The following AGBL4 variants were observed in gnomAD, a reference collection of about 807,000 sequenced individuals.
AGBL4 encodes cytosolic carboxypeptidase 6.
Under a neutral mutation model 66.4 loss-of-function variants are expected in AGBL4, and 58 were observed. That is an observed-to-expected ratio of 0.87 (90% CI 0.71 to 1.09). The LOEUF is 1.09. Ranked by LOEUF, AGBL4 falls within the 50% of genes least tolerant of loss-of-function variation. The probability of loss-of-function intolerance (pLI) is 0.00; values close to 1 mark genes in which losing one functional copy is unlikely to be tolerated. For synonymous variants in AGBL4, 234 were observed against 222.9 expected (o/e 1.05, Z -0.44); for missense variants, 579 against 631.0 (o/e 0.92, Z 0.88).
Position 48,586,945 on chromosome 1 carries a change from A to T in AGBL4, c.1267+59T>A, listed in dbSNP as rs377438654. On this transcript the variant is annotated intron_variant, in intron 11 of 13. Transcript: ENST00000371839. ...GGGGGCCTAATTCCTGACCTGTCAG[A>T]CTTGGATACTCTCGGCTGGATGAGG... 1.6e-5 allele frequency: 25 copies of T among 1,601,920 alleles called. No homozygotes were observed. The South Asian group carries it at 2.3e-4, about 15-fold the overall frequency.
chr1:49,863,008 T>C (rs546505256), intron 1 of AGBL4, among the ~76,000 whole-genome samples: 1 of 152,222 alleles, frequency 6.6e-6, no homozygotes, highest in East Asian at 1.9e-4. Flanking sequence ...CAGACTATTT[T>C]AACATTATAA....
At chr1:48,878,826 T>C (rs1222689202) in intron 5 of AGBL4, among the ~76,000 whole-genome samples, 2 of 152,170 alleles carry the variant, frequency 1.3e-5, no homozygotes, top group East Asian at 3.9e-4. Flanking sequence ...AACATTAATC[T>C]GTATTCCTGC....
intron 6 of AGBL4, among the ~76,000 whole-genome samples, chr1:48,858,058 G>T (rs554964467): frequency 2.0e-5 from 3 of 152,034 alleles, no homozygotes; most frequent in Non-Finnish European, 4.4e-5. Flanking sequence ...AATACAAAGG[G>T]CCCATAAGCA....
intron 11 of AGBL4, among the ~76,000 whole-genome samples, chr1:48,581,215 G>A (rs1644735459): frequency 6.6e-6 from 1 of 152,174 alleles, no homozygotes; most frequent in Non-Finnish European, 1.5e-5. Context: ...ATAAACGATA[G>A]CTTCAATGTG....
At chr1:49,795,650 T>C (rs1229266019) in intron 2 of AGBL4, among the ~76,000 whole-genome samples, 2 of 151,926 alleles carry the variant, frequency 1.3e-5, no homozygotes, top group Non-Finnish European at 2.9e-5. Flanking sequence ...TATGTGTGTG[T>C]GTGCATCCAT....
At chr1:48,620,317 C>G (rs1212179013) in intron 9 of AGBL4, among the ~76,000 whole-genome samples, 1 of 152,164 alleles carries the variant, frequency 6.6e-6, no homozygotes, top group Non-Finnish European at 1.5e-5. Flanking sequence ...GTCTCCCAGG[C>G]TGAAGTTCAG....
intron 2 of AGBL4, among the ~76,000 whole-genome samples, chr1:49,766,133 A>T (rs1249631941): frequency 6.6e-6 from 1 of 152,198 alleles, no homozygotes; most frequent in Non-Finnish European, 1.5e-5. Flanking sequence ...GAATATTTTC[A>T]CCAGACTGAC....
At chr1:49,325,728 A>T (rs956516613) in intron 3 of AGBL4, among the ~76,000 whole-genome samples, 2 of 152,190 alleles carry the variant, frequency 1.3e-5, no homozygotes, top group Non-Finnish European at 1.5e-5. Flanking sequence ...TGTAATCCCC[A>T]ATGTTGCAGA....
At chr1:48,557,259 G>A (rs555794707) in intron 11 of AGBL4, among the ~76,000 whole-genome samples, 1 of 152,292 alleles carries the variant, frequency 6.6e-6, no homozygotes, top group South Asian at 2.1e-4. Context: ...ATTTACATTA[G>A]CTTCCATTCC....
chr1:49,334,653 T>C (rs182849546), intron 3 of AGBL4, among the ~76,000 whole-genome samples: 1 of 152,312 alleles, frequency 6.6e-6, no homozygotes, highest in East Asian at 1.9e-4. Context: ...CTGAAGCCCA[T>C]GGTCTTCAAT....
chr1:48,921,348 T>C (rs141200892), intron 5 of AGBL4, among the ~76,000 whole-genome samples: 77 of 152,368 alleles, frequency 5.1e-4, no homozygotes, highest in Non-Finnish European at 9.1e-4. Context: ...TGCAAATTCC[T>C]ACCGTGACAG....
At chr1:48,917,144 C>G (rs1472172575) in intron 5 of AGBL4, among the ~76,000 whole-genome samples, 1 of 151,820 alleles carries the variant, frequency 6.6e-6, no homozygotes, top group Non-Finnish European at 1.5e-5. Context: ...CCAATATTAC[C>G]CAGTATAATC....
At chr1:49,876,151 C>T (rs1460015545) in intron 1 of AGBL4, among the ~76,000 whole-genome samples, 1 of 148,246 alleles carries the variant, frequency 6.7e-6, no homozygotes, top group Non-Finnish European at 1.5e-5. Flanking sequence ...TGCAGAAGCT[C>T]TTTAGTTTAA....
intron 6 of AGBL4, among the ~76,000 whole-genome samples, chr1:48,841,946 C>G (rs905865186): frequency 6.6e-6 from 1 of 152,164 alleles, no homozygotes; most frequent in Non-Finnish European, 1.5e-5. Flanking sequence ...GCAAATCTTA[C>G]GTTCTAAATG....
chr1:48,623,336 T>C lies in AGBL4; in HGVS notation c.951+11157A>G, dbSNP rs114184578. Among the ~76,000 whole-genome samples, 769 of 152,318 alleles carry C rather than the reference T, an allele frequency of 5.0e-3. 10 individuals carry two copies. Among genetic ancestry groups the C allele is most frequent in the African/African-American group, 0.018 (738 of 41,580 alleles). Reference sequence around the variant, plus strand: ...GCTCATTGGCCAGAAGGCCAGGCCATACCCAAGCTGATAAGGCTTCCCACA... The same window carrying C: ...GCTCATTGGCCAGAAGGCCAGGCCACACCCAAGCTGATAAGGCTTCCCACA... On this transcript the variant is annotated intron_variant, in intron 9 of 13. Transcript: ENST00000371839.
chr1:49,370,576 T>A (rs1187210588), intron 3 of AGBL4, among the ~76,000 whole-genome samples: 1 of 152,172 alleles, frequency 6.6e-6, no homozygotes, highest in East Asian at 1.9e-4. Context: ...CACAGCAACA[T>A]CTGGACTAGT....
intron 6 of AGBL4, among the ~76,000 whole-genome samples, chr1:48,748,793 G>A (rs1405454240): frequency 6.6e-6 from 1 of 152,102 alleles, no homozygotes; most frequent in South Asian, 2.1e-4. Context: ...TGATGGATGC[G>A]CGACATCTTG....
At chr1:49,058,602 G>A (rs923012517) in intron 4 of AGBL4, among the ~76,000 whole-genome samples, 1 of 152,170 alleles carries the variant, frequency 6.6e-6, no homozygotes, top group African/African-American at 2.4e-5. Context: ...ATAGAGAGTG[G>A]GGCACTGCTG....
chr1:49,400,669 C>T (rs868099577), intron 3 of AGBL4, among the ~76,000 whole-genome samples: 32 of 152,130 alleles, frequency 2.1e-4, no homozygotes, highest in Admixed American at 1.4e-3. Context: ...TCAGATTCTT[C>T]GCTGCTGGCA....
Sources: allele counts gnomAD v4.1 joint callset (sites outside exome capture counted in the v4.1 genomes callset), GRCh38; gene constraint gnomAD v4.1.1; transcripts MANE v1.5; gene names NCBI Gene and HGNC (gene_info 2026-07-23, HGNC 2026-07-21).